NEK7: variants seen among roughly 807,000 people sequenced by gnomAD.
NEK7 encodes NIMA related kinase 7, also known as serine/threonine-protein kinase Nek7.
Under a neutral mutation model 44.6 loss-of-function variants are expected in NEK7, and 18 were observed. The observed-to-expected ratio is 0.40, with a 90% CI of 0.28 to 0.60. The LOEUF (loss-of-function observed/expected upper bound fraction) is 0.60, where lower values mean the gene tolerates loss of function less well. NEK7 is among the 20% of genes least tolerant of loss of function. NEK7 has a pLI of 0.38. For synonymous variants in NEK7, 130 were observed against 121.1 expected (o/e 1.07, Z -0.48); for missense variants, 256 against 366.5 (o/e 0.70, Z 2.46).
intron 1 of NEK7, among the ~76,000 whole-genome samples, chr1:198,181,400 G>T (rs760961031): frequency 7.9e-5 from 12 of 152,072 alleles, no homozygotes; most frequent in Non-Finnish European, 1.3e-4. Flanking sequence ...GTTCCTGTCA[G>T]TAAACTCTCA....
chr1:198,237,095 C>G (rs973138135), intron 2 of NEK7, among the ~76,000 whole-genome samples: 7 of 152,148 alleles, frequency 4.6e-5, no homozygotes, highest in African/African-American at 1.4e-4. Context: ...ATTATGCTGT[C>G]TTCTTTGAAA....
rs1451515152 is a variant in NEK7, at chr1:198,321,733, A to G, written c.*2211A>G. Reference sequence around the variant, plus strand: ...TGAAGAAACCACTGTGTAAAAATCAAATTTTAATTTTGAATGGAATAATTT... The same window carrying G: ...TGAAGAAACCACTGTGTAAAAATCAGATTTTAATTTTGAATGGAATAATTT... On this transcript the variant is annotated 3_prime_UTR_variant, in exon 10 of 10. Transcript: ENST00000367385. The G allele has an allele frequency of 3.9e-5, 6 of 152,126 alleles. No homozygotes were observed. Among genetic ancestry groups the G allele is most frequent in the Non-Finnish European group, 8.8e-5 (6 of 67,966 alleles). The allele number at this position is 152,126 out of a possible 1,614,324, so 9.4% of individuals were successfully genotyped here.
In NEK7 at chr1:198,253,153, A is replaced by T; in HGVS notation, c.171A>T (p.Gly57=). 1.2e-6 allele frequency: 2 copies of T among 1,608,470 alleles called. No individual in the cohort carries two copies. Among genetic ancestry groups the T allele is most frequent in the African/African-American group, 1.3e-5 (1 of 74,770 alleles). Residue 57 remains glycine, a synonymous_variant, in exon 3 of 10, where the codon GGA becomes GGT. Coordinates refer to ENST00000367385, the MANE Select transcript of NEK7 (RefSeq NM_133494.3). Reference sequence around the variant, plus strand: ...ATAGAGCAGCCTGTCTCTTGGATGGAGTACCAGTAGCTTTAAAAAAAGTGC... The same window carrying T: ...ATAGAGCAGCCTGTCTCTTGGATGGTGTACCAGTAGCTTTAAAAAAAGTGC... ...EVYRAACLLD[G]VPVALKKVQI...
intron 1 of NEK7, among the ~76,000 whole-genome samples, chr1:198,158,113 C>T (rs967876029): frequency 3.9e-5 from 6 of 152,156 alleles, no homozygotes; most frequent in Non-Finnish European, 8.8e-5. Flanking sequence ...TCTATTTAGT[C>T]TTGCACTGGG....
chr1:198,286,795 C>T (rs1654383424), intron 7 of NEK7, among the ~76,000 whole-genome samples: 1 of 152,080 alleles, frequency 6.6e-6, no homozygotes, highest in Non-Finnish European at 1.5e-5. Flanking sequence ...TTCTTGTTTC[C>T]TCACTGGCTG....
At chr1:198,299,880 T>C (rs570855528) in intron 9 of NEK7, among the ~76,000 whole-genome samples, 43 of 152,196 alleles carry the variant, frequency 2.8e-4, no homozygotes, top group Non-Finnish European at 4.7e-4. Flanking sequence ...TCCTATCTTA[T>C]ATTCTAAAAC....
In NEK7 at chr1:198,253,142, C is replaced by G. The variant is rs371752680; in HGVS notation, c.160C>G (p.Leu54Val). Residue 54 changes from leucine (L) to valine (V), a missense_variant, in exon 3 of 10, where the codon CTC (leucine) becomes GTC (valine). Leu to Val is a conservative substitution (Grantham distance 32). Coordinates refer to ENST00000367385, the MANE Select transcript of NEK7 (RefSeq NM_133494.3). Reference sequence around the variant, plus strand: ...TAGTGAAGTTTATAGAGCAGCCTGTCTCTTGGATGGAGTACCAGTAGCTTT... The same window carrying G: ...TAGTGAAGTTTATAGAGCAGCCTGTGTCTTGGATGGAGTACCAGTAGCTTT... ...QFSEVYRAACLLDGVPVALKK... is the reference protein window; with the variant it reads ...QFSEVYRAACVLDGVPVALKK... 2 of 1,611,074 alleles carry G rather than the reference C, an allele frequency of 1.2e-6. No homozygotes were observed. Among genetic ancestry groups the G allele is most frequent in the Non-Finnish European group, 1.7e-6 (2 of 1,177,838 alleles).
chr1:198,283,406 C>T (rs957318390), intron 7 of NEK7, among the ~76,000 whole-genome samples: 1 of 152,066 alleles, frequency 6.6e-6, no homozygotes, highest in East Asian at 1.9e-4. Flanking sequence ...CACATTGGAA[C>T]TCATTAGCCC....
In NEK7 at chr1:198,295,883, TA is replaced by T. The variant is rs1490513183; in HGVS notation, c.685-1243del. On this transcript the variant is annotated intron_variant, in intron 8 of 9. Transcript: ENST00000367385. ...TTCCTCTCAGAGTGTTTTATATGAT[TA>T]GGGGCATTCAGATTGTTTTTAACTT... Among the ~76,000 whole-genome samples the T allele has an allele frequency of 3.3e-5, 5 of 150,188 alleles. No homozygotes were observed. The East Asian group carries it at 1.1e-3, about 32-fold the overall frequency.
At chr1:198,167,954 T>A (rs6428435) in intron 1 of NEK7, among the ~76,000 whole-genome samples, 27,109 of 152,172 alleles carry the variant, frequency 0.18, 2,695 homozygotes, top group African/African-American at 0.24. Flanking sequence ...CATTCAAGTG[T>A]TGCTCTTTAT....
chr1:198,271,709 C>T (rs1322550390), intron 5 of NEK7, among the ~76,000 whole-genome samples: 3 of 151,594 alleles, frequency 2.0e-5, no homozygotes, highest in Admixed American at 6.6e-5. Flanking sequence ...GTGTATAGCC[C>T]ATATCAGACA....
Position 198,222,806 on chromosome 1 carries a change from T to C in NEK7, c.-28-9747T>C, listed in dbSNP as rs542901672. Among the ~76,000 whole-genome samples the C allele has an allele frequency of 2.4e-4, 35 of 144,722 alleles. No homozygotes were observed. In the East Asian group the frequency reaches 5.9e-3, roughly 24 times the overall value. 94.9% of individuals were successfully genotyped at this position (144,722 alleles called of 152,430 possible). On this transcript the variant is annotated intron_variant, in intron 1 of 9. Transcript: ENST00000367385. Reference sequence around the variant, plus strand: ...AGAGGAGATAAACACAATAAAAAAGTAAATAATAAGACAATTACAAATTGT... The same window carrying C: ...AGAGGAGATAAACACAATAAAAAAGCAAATAATAAGACAATTACAAATTGT...
chr1:198,314,231 C>T (rs2103041390), intron 9 of NEK7, among the ~76,000 whole-genome samples: 1 of 152,266 alleles, frequency 6.6e-6, no homozygotes, highest in Non-Finnish European at 1.5e-5. Flanking sequence ...GCATTGGCTC[C>T]TGAGGCTTCT....
At chr1:198,313,243 C>G (rs1655246774) in intron 9 of NEK7, among the ~76,000 whole-genome samples, 1 of 152,228 alleles carries the variant, frequency 6.6e-6, no homozygotes, top group South Asian at 2.1e-4. Flanking sequence ...TCTGTTTTAT[C>G]AGAGACTAGG....
At chr1:198,203,261 T>C (rs1665489651) in intron 1 of NEK7, among the ~76,000 whole-genome samples, 1 of 152,314 alleles carries the variant, frequency 6.6e-6, no homozygotes, top group East Asian at 1.9e-4. Context: ...TGCTTGAAAC[T>C]GTCTTCCTGG....
At chr1:198,219,851 A>C (rs567947503) in intron 1 of NEK7, among the ~76,000 whole-genome samples, 21 of 146,574 alleles carry the variant, frequency 1.4e-4, no homozygotes, top group Non-Finnish European at 2.1e-4. Context: ...ACTTTTGATT[A>C]TTTGGCTAAT....
chr1:198,274,900 G>A (rs1178693470), intron 5 of NEK7, among the ~76,000 whole-genome samples: 2 of 151,744 alleles, frequency 1.3e-5, no homozygotes, highest in Non-Finnish European at 3.0e-5. Context: ...GCTTGGATCA[G>A]CTATAGCCCT....
chr1:198,313,789 A>G (rs1458760182), intron 9 of NEK7, among the ~76,000 whole-genome samples: 1 of 150,186 alleles, frequency 6.7e-6, no homozygotes, highest in Admixed American at 6.6e-5. Context: ...TGGCTTGTAG[A>G]GTTTCTGCCT....
intron 1 of NEK7, among the ~76,000 whole-genome samples, chr1:198,181,983 T>C (rs1193559412): frequency 6.6e-6 from 1 of 151,652 alleles, no homozygotes; most frequent in Non-Finnish European, 1.5e-5. Context: ...AAAAAAGTGA[T>C]ATATATATAT....
Sources: gnomAD v4.1 joint callset for allele counts (sites outside exome capture counted in the v4.1 genomes callset) on GRCh38, gnomAD v4.1.1 for gene constraint, MANE v1.5 for transcripts, NCBI Gene and HGNC (gene_info 2026-07-23, HGNC 2026-07-21) for gene names.